STAT2: variants seen among roughly 807,000 people sequenced by gnomAD.
The protein encoded by STAT2 is signal transducer and activator of transcription 2, also known as interferon alpha induced transcriptional activator.
STAT2 carries 51 observed loss-of-function variants against 122.3 expected under a neutral mutation model. That is an observed-to-expected ratio of 0.42 (90% CI 0.33 to 0.53). The LOEUF is 0.53. STAT2 is among the 20% of genes least tolerant of loss of function. STAT2 has a pLI of 0.10. For synonymous variants in STAT2, 351 were observed against 394.9 expected (o/e 0.89, Z 1.32); for missense variants, 736 against 1,010.3 (o/e 0.73, Z 3.68).
chr12:56,348,722 C>T (rs367951648), intron 18 of STAT2, 30 bp downstream of exon 18: 9 of 1,613,804 alleles, frequency 5.6e-6, no homozygotes, highest in Non-Finnish European at 7.6e-6. Context: ...TGGGCTAGAT[C>T]CAGCAGCTCC....
chr12:56,350,569 T>C, intron 11 of STAT2, 137 bp from the exon 12 acceptor site: 1 of 817,156 alleles, frequency 1.2e-6, no homozygotes, highest in African/African-American at 1.7e-5. Flanking sequence ...AGAGATGTAA[T>C]CAGTCTCTCT....
intron 22 of STAT2, among the ~76,000 whole-genome samples, chr12:56,344,726 GC>G (rs1470900298): frequency 6.6e-6 from 1 of 151,952 alleles, no homozygotes; most frequent in East Asian, 1.9e-4. Context: ...CAAAAGTTAG[GC>G]CGGGTGCAGA....
At chr12:56,352,778 C>G (rs1878745706) in intron 8 of STAT2, among the ~76,000 whole-genome samples, 1 of 151,682 alleles carries the variant, frequency 6.6e-6, no homozygotes, top group African/African-American at 2.4e-5. Context: ...CTCAAGCACT[C>G]TTTCTGCCTC....
chr12:56,353,381 CCTCAGCCTTCCA>C (rs1379756286), intron 8 of STAT2, among the ~76,000 whole-genome samples: 1 of 152,086 alleles, frequency 6.6e-6, no homozygotes, highest in Non-Finnish European at 1.5e-5. Context: ...GATCCTCCTG[CCTCAGCCTTCCA>C]AAGTACTAGG....
Position 56,356,292 on chromosome 12 carries a change from A to G in STAT2, c.132-7T>C, listed in dbSNP as rs200338496. 2.8e-5 allele frequency: 45 copies of G among 1,610,346 alleles called. No individual in the cohort carries two copies. The highest frequency in any genetic ancestry group is 1.6e-4 in the Middle Eastern group (1 of 6,082). On this transcript the variant is annotated splice_region_variant and splice_polypyrimidine_tract_variant and intron_variant, in intron 2 of 23. Coordinates refer to ENST00000314128, the MANE Select transcript of STAT2 (RefSeq NM_005419.4). Reference sequence around the variant, plus strand: ...CCCAAGTGCAGCTTCCTGCCTGGGCACCAGGAATAAGAAGTATTAGTGTCT... The same window carrying G: ...CCCAAGTGCAGCTTCCTGCCTGGGCGCCAGGAATAAGAAGTATTAGTGTCT...
chr12:56,341,779 G>C lies in STAT2; in HGVS notation c.*1610C>G, dbSNP rs1876625997. 1 of 152,222 alleles carries C rather than the reference G, an allele frequency of 6.6e-6. No individual in the cohort carries two copies. The highest frequency in any genetic ancestry group is 6.5e-5 in the Admixed American group (1 of 15,280). 9.4% of individuals were successfully genotyped at this position (152,222 alleles called of 1,614,324 possible). A position where few individuals can be genotyped will look rare whatever the true frequency, so the allele number is the denominator to read the frequency against. ...TCAGTTGCCCCCTGGGGTTCCCTGG[G>C]AATAGCTAAGGTGTGAGATTGTCCA... On this transcript the variant is annotated 3_prime_UTR_variant, in exon 24 of 24. Coordinates refer to ENST00000314128, the MANE Select transcript of STAT2 (RefSeq NM_005419.4).
chr12:56,358,131 A>ATG (rs1213169512), intron 1 of STAT2, among the ~76,000 whole-genome samples: 1 of 151,636 alleles, frequency 6.6e-6, no homozygotes. Flanking sequence ...TTTTGCATTT[A>ATG]TGTGTGTGTT....
chr12:56,355,211 T>C (rs1251493504), intron 6 of STAT2, 65 bp downstream of exon 6: 9 of 1,581,486 alleles, frequency 5.7e-6, no homozygotes, highest in Non-Finnish European at 7.8e-6. Context: ...TTTCTCCTGT[T>C]CACTTCCAGC....
intron 19 of STAT2, among the ~76,000 whole-genome samples, chr12:56,347,954 A>G (rs1322039367): frequency 6.6e-6 from 1 of 152,268 alleles, no homozygotes; most frequent in East Asian, 1.9e-4. Flanking sequence ...GTTTCCTCAC[A>G]TGAAATGAAG....
chr12:56,348,676 G>T, intron 18 of STAT2, 53 bp from the exon 19 acceptor site: 1 of 1,614,048 alleles, frequency 6.2e-7, no homozygotes, highest in Non-Finnish European at 8.5e-7. Flanking sequence ...TCTGGTGTAG[G>T]GAAGGAGGGA....
At chr12:56,346,297 CCCA>C (rs1457437639) in intron 21 of STAT2, 94 bp from the exon 22 acceptor site, 1 of 1,562,542 alleles carries the variant, frequency 6.4e-7, no homozygotes, top group Non-Finnish European at 8.8e-7. Context: ...CAGTCTCATC[CCCA>C]TAGTAACCAG....
chr12:56,351,712 T>C (rs1293620024), intron 8 of STAT2, among the ~76,000 whole-genome samples: 1 of 152,192 alleles, frequency 6.6e-6, no homozygotes, highest in Non-Finnish European at 1.5e-5. Flanking sequence ...TATTAAGCCC[T>C]TTCCACATAT....
chr12:56,345,012 A>T lies in STAT2; in HGVS notation c.2103-877T>A, dbSNP rs960230917. Among the ~76,000 whole-genome samples, 18 of 148,926 alleles carry T rather than the reference A, an allele frequency of 1.2e-4. 1 individual carries two copies. Among genetic ancestry groups the T allele is most frequent in the African/African-American group, 4.0e-4 (16 of 39,980 alleles). On this transcript the variant is annotated intron_variant, in intron 22 of 23. Transcript: ENST00000314128. The stretch of plus-strand genomic sequence containing the variant: ...AACAGGGCGAGACTCTGTCTCAAAA[A>T]AAAAACAAAAATTAACCAGGCATGG...
chr12:56,345,518 A>ATATATATATATATATATATAT (rs1302088781), intron 22 of STAT2, among the ~76,000 whole-genome samples: 1 of 25,432 alleles, frequency 3.9e-5, no homozygotes, highest in African/African-American at 5.3e-4. Flanking sequence ...AAAAAAAAAA[A>ATATATATATATATATATATAT]AAAAAAATAT....
In STAT2 at chr12:56,354,692, G is replaced by A; in HGVS notation, c.634-78C>T. On this transcript the variant is annotated intron_variant, in intron 7 of 23. Coordinates refer to ENST00000314128, the MANE Select transcript of STAT2 (RefSeq NM_005419.4). Reference sequence around the variant, plus strand: ...ACCCAACTGGGGATGAAGAAACAAAGAAGCCAGCGCTAGAGGACCAGGGTC... The same window carrying A: ...ACCCAACTGGGGATGAAGAAACAAAAAAGCCAGCGCTAGAGGACCAGGGTC... 21 of 1,612,166 alleles carry A rather than the reference G, an allele frequency of 1.3e-5. No individual in the cohort carries two copies. In the South Asian group the frequency reaches 2.3e-4, roughly 18 times the overall value.
chr12:56,350,461 T>G, intron 11 of STAT2, 29 bp from the exon 12 acceptor site: 1 of 1,589,060 alleles, frequency 6.3e-7, no homozygotes, highest in Non-Finnish European at 8.5e-7. Context: ...AAAAAAATCA[T>G]TGGGCAAAAG....
Position 56,348,967 on chromosome 12 carries a change from G to T in STAT2, c.1533C>A (p.Gly511=). 1 of 1,613,926 alleles carries T rather than the reference G, an allele frequency of 6.2e-7. No individual in the cohort carries two copies. The highest frequency in any genetic ancestry group is 1.1e-5 in the South Asian group (1 of 91,044). The change falls in exon 17 of 24, where the codon GGC becomes GGA. Residue 511 remains glycine, a synonymous_variant. Coordinates refer to ENST00000314128, the MANE Select transcript of STAT2 (RefSeq NM_005419.4). ...GCATGCTCAGCTGGTCTGAGTTGAG[G>T]CCTCGGCCAACATAGGAGGAGAACT... is the stretch of plus-strand genomic sequence containing the variant. ...SWQFSSYVGR[G]LNSDQLSMLR...
At chr12:56,357,172 G>A (rs1229056704) in intron 1 of STAT2, among the ~76,000 whole-genome samples, 2 of 151,620 alleles carry the variant, frequency 1.3e-5, no homozygotes, top group Non-Finnish European at 2.9e-5. Context: ...GAGTAGCTGG[G>A]ATTACAGGCA....
chr12:56,354,016 A>AAAAAATATATAT (rs71081350), intron 8 of STAT2, among the ~76,000 whole-genome samples: 4 of 16,696 alleles, frequency 2.4e-4, no homozygotes, highest in Non-Finnish European at 6.5e-4. Context: ...AAAAAAAAAA[A>AAAAAATATATAT]ATATATATAT....
Sources: gnomAD v4.1 joint callset for allele counts (sites outside exome capture counted in the v4.1 genomes callset) on GRCh38, gnomAD v4.1.1 for gene constraint, MANE v1.5 for transcripts, NCBI Gene and HGNC (gene_info 2026-07-23, HGNC 2026-07-21) for gene names.